Variants in CST2 observed in about 807,000 individuals in gnomAD.
CST2 encodes the protein cystatin SA, also known as cystatin-SA.
A neutral mutation model predicts 13.4 loss-of-function variants in CST2; 26 were observed. The ratio of observed to expected loss-of-function variants is 1.95; its 90% CI spans 1.43 to 2.70. The LOEUF is 2.70. CST2 is among the 30% of genes most tolerant of loss of function. The pLI is 0.00. For synonymous variants in CST2, 105 were observed against 71.1 expected (o/e 1.48, Z -2.40); for missense variants, 243 against 173.4 (o/e 1.40, Z -2.25).
In CST2 at chr20:23,826,661, G is replaced by T. The variant is rs144795946; in HGVS notation, c.-1C>A. The T allele has an allele frequency of 3.6e-5, 57 of 1,595,458 alleles. No homozygotes were observed. The highest frequency in any genetic ancestry group is 4.4e-5 in the Non-Finnish European group (52 of 1,171,608). On this transcript the variant is annotated 5_prime_UTR_variant, in exon 1 of 3. Coordinates refer to ENST00000304725, the MANE Select transcript of CST2 (RefSeq NM_001322.3). ...GCAGGGTGCACAGGGGCCAGGCCAT[G>T]GTCTCCTCGGAGGCAGAGCACAGAG... is the stretch of plus-strand genomic sequence containing the variant.
rs1984743781 is a variant in CST2 at position 23,823,941 on chromosome 20, G to A, written c.*79C>T. 1.7e-5 allele frequency: 25 copies of A among 1,492,050 alleles called. No individual in the cohort carries two copies. Among genetic ancestry groups the A allele is most frequent in the Non-Finnish European group, 2.0e-5 (22 of 1,081,178 alleles). The allele number at this position is 1,492,050 out of a possible 1,614,324, so 92.4% of individuals were successfully genotyped here. On this transcript the variant is annotated 3_prime_UTR_variant, in exon 3 of 3. Transcript: ENST00000304725. ...GCATGGGGAGACCTCCCACAGGGTG[G>A]GGGCCACCAGTCCAGGGGTGGGAGC...
At position 23,826,479 on chromosome 20, in the gene CST2, T is replaced by A; in HGVS notation, c.182A>T (p.Asp61Val). The A allele has an allele frequency of 6.2e-7, 1 of 1,614,168 alleles. No homozygotes were observed. The highest frequency in any genetic ancestry group is 8.5e-7 in the Non-Finnish European group (1 of 1,180,010). The change falls in exon 1 of 3, where the codon GAT becomes GTT. Residue 61 changes from aspartate to valine, a missense_variant. Asp to Val is a radical substitution (Grantham distance 152, BLOSUM62 -3). Coordinates refer to ENST00000304725, the MANE Select transcript of CST2 (RefSeq NM_001322.3). ...VISEYNKATEDEYYRRLLRVL... is the reference protein window; with the variant it reads ...VISEYNKATEVEYYRRLLRVL... ...CCGCAGCAGGCGTCTGTAGTACTCATCTTCAGTGGCCTTGTTATACTCGCT... is the reference window on the plus strand; with the variant it reads ...CCGCAGCAGGCGTCTGTAGTACTCAACTTCAGTGGCCTTGTTATACTCGCT...
chr20:23,824,849 T>TC lies in CST2; in HGVS notation c.342+360dup, dbSNP rs1984776035. On this transcript the variant is annotated intron_variant, in intron 2 of 2. Coordinates refer to ENST00000304725, the MANE Select transcript of CST2 (RefSeq NM_001322.3). Reference sequence around the variant, plus strand: ...AAGGCTTCCTAGCAAATCAAACACATCACCCTCCTCCCTCACCACCCCATC... The same window carrying TC: ...AAGGCTTCCTAGCAAATCAAACACATCCACCCTCCTCCCTCACCACCCCATC... 5.3e-5 allele frequency among the ~76,000 whole-genome samples: 8 copies of TC among 151,768 alleles called. No homozygotes were observed. The South Asian group carries it at 1.7e-3, about 32-fold the overall frequency.
At chr20:23,824,532 T>C (rs1488987464) in intron 2 of CST2, among the ~76,000 whole-genome samples, 2 of 152,012 alleles carry the variant, frequency 1.3e-5, no homozygotes, top group Non-Finnish European at 1.5e-5. Flanking sequence ...GGGGCAATGG[T>C]AACAAGGGGA....
At chr20:23,824,278 C>T (rs1250739913) in intron 2 of CST2, among the ~76,000 whole-genome samples, 175 bp from the exon 3 acceptor site, 1 of 148,618 alleles carries the variant, frequency 6.7e-6, no homozygotes, top group Non-Finnish European at 1.5e-5. Context: ...TGTTCCATTG[C>T]CCCTCCCAAG....
intron 2 of CST2, among the ~76,000 whole-genome samples, chr20:23,824,853 C>T (rs1484675473): frequency 6.6e-6 from 1 of 151,956 alleles, no homozygotes; most frequent in South Asian, 2.1e-4. Flanking sequence ...AACACATCAC[C>T]CTCCTCCCTC....
chr20:23,826,432 C>T lies in CST2; in HGVS notation c.228+1G>A, dbSNP rs1984839918. On this transcript the variant is annotated splice_donor_variant, in intron 1 of 2. Transcript: ENST00000304725. LOFTEE classifies it high-confidence loss of function. ...ACCCCTCAGGTGGAGGCAGCACCCACCTGCTCCCTGGCTCGTAGCACCCGC... is the reference window on the plus strand; with the variant it reads ...ACCCCTCAGGTGGAGGCAGCACCCATCTGCTCCCTGGCTCGTAGCACCCGC... The T allele has an allele frequency of 6.2e-7, 1 of 1,613,750 alleles. No homozygotes were observed. The highest frequency in any genetic ancestry group is 8.5e-7 in the Non-Finnish European group (1 of 1,179,690).
Position 23,824,002 on chromosome 20 carries a change from ACT to A in CST2, c.*16_*17del, listed in dbSNP as rs773374216. 2 of 1,613,192 alleles carry A rather than the reference ACT, an allele frequency of 1.2e-6. No homozygotes were observed. The highest frequency in any genetic ancestry group is 2.7e-5 in the African/African-American group (2 of 74,886). On this transcript the variant is annotated 3_prime_UTR_variant, in exon 3 of 3. Transcript: ENST00000304725. Reference sequence around the variant, plus strand: ...GTGGGAGTAGGAGGTGGTCAGTGTGACTCCCTGGCACAGATCCCTAGGCTTCT... The same window carrying A: ...GTGGGAGTAGGAGGTGGTCAGTGTGACCCTGGCACAGATCCCTAGGCTTCT...
At chr20:23,826,389 A>G in intron 1 of CST2, 44 bp downstream of exon 1, 2 of 1,546,712 alleles carry the variant, frequency 1.3e-6, no homozygotes, top group South Asian at 1.1e-5. Flanking sequence ...CGGGCAACAA[A>G]CAAGGCTGGG....
chr20:23,824,297 T>A (rs1183152163), intron 2 of CST2, among the ~76,000 whole-genome samples, 194 bp from the exon 3 acceptor site: 14 of 152,030 alleles, frequency 9.2e-5, no homozygotes, highest in Non-Finnish European at 1.6e-4. Context: ...AGGCTCCAAG[T>A]CACCAGGTGG....
rs1412686905 is a variant in CST2, at chr20:23,823,840, G to A, written c.*180C>T. 1 of 626,412 alleles carries A rather than the reference G, an allele frequency of 1.6e-6. No homozygotes were observed. The highest frequency in any genetic ancestry group is 1.8e-5 in the African/African-American group (1 of 54,144). The allele number at this position is 626,412 out of a possible 1,614,324, so 38.8% of individuals were successfully genotyped here. On this transcript the variant is annotated 3_prime_UTR_variant, in exon 3 of 3. Transcript: ENST00000304725. ...GTACCAGGGCTATGAGAAGCAAAAG[G>A]AAGGAGGGAGGGCAGAGTCCCCTGC...
chr20:23,826,108 G>A (rs1171240660), intron 1 of CST2, among the ~76,000 whole-genome samples: 3 of 152,188 alleles, frequency 2.0e-5, no homozygotes, highest in African/African-American at 4.8e-5. Flanking sequence ...ACCCACGGGT[G>A]TGACTTGGGG....
At chr20:23,824,180 A>T in intron 2 of CST2, 77 bp from the exon 3 acceptor site, 1 of 1,449,958 alleles carries the variant, frequency 6.9e-7, no homozygotes. Context: ...GAGATGTCAC[A>T]GCCTGAGTGA....
intron 2 of CST2, among the ~76,000 whole-genome samples, chr20:23,824,821 C>T (rs1984775146): frequency 6.6e-6 from 1 of 152,078 alleles, no homozygotes; most frequent in Admixed American, 6.5e-5. Context: ...CATTCCCAAG[C>T]TGAAGGCTTC....
chr20:23,824,845 C>A (rs1262162853), intron 2 of CST2, among the ~76,000 whole-genome samples: 2 of 152,002 alleles, frequency 1.3e-5, no homozygotes, highest in African/African-American at 4.8e-5. Context: ...GCAAATCAAA[C>A]ACATCACCCT....
In CST2 at chr20:23,823,915, T is replaced by C. The variant is rs962367635; in HGVS notation, c.*105A>G. 1.4e-5 allele frequency: 17 copies of C among 1,195,600 alleles called. No homozygotes were observed. Among genetic ancestry groups the C allele is most frequent in the Admixed American group, 1.9e-5 (1 of 53,070 alleles). The allele number at this position is 1,195,600 out of a possible 1,614,324, so 74.1% of individuals were successfully genotyped here. A position where few individuals can be genotyped will look rare whatever the true frequency, so the allele number is the denominator to read the frequency against. On this transcript the variant is annotated 3_prime_UTR_variant, in exon 3 of 3. Transcript: ENST00000304725. The stretch of plus-strand genomic sequence containing the variant: ...CTTCTCTGTCTTCTCCTGCTGCAGG[T>C]GCATGGGGAGACCTCCCACAGGGTG...
At chr20:23,824,322 C>A (rs139957804) in intron 2 of CST2, among the ~76,000 whole-genome samples, 3 of 152,124 alleles carry the variant, frequency 2.0e-5, no homozygotes, top group African/African-American at 7.2e-5. Flanking sequence ...GGGCCCCCAC[C>A]GCAGCCTGCA....
At position 23,825,301 on chromosome 20, in the gene CST2, A is replaced by C; in HGVS notation, c.251T>G (p.Phe84Cys). 2.6e-6 allele frequency: 4 copies of C among 1,539,034 alleles called. No homozygotes were observed. Among genetic ancestry groups the C allele is most frequent in the Middle Eastern group, 1.7e-4 (1 of 5,792 alleles). Residue 84 changes from phenylalanine to cysteine, a missense_variant, in exon 2 of 3, where the codon TTC becomes TGC. By Grantham distance (205) the Phe-to-Cys change is radical. Coordinates refer to ENST00000304725, the MANE Select transcript of CST2 (RefSeq NM_001322.3). Reference sequence around the variant, plus strand: ...GGTTCGGCCCACCTCTATGTCGAAGAAGTAATTCACCCCGCCCACGATCTA... The same window carrying C: ...GGTTCGGCCCACCTCTATGTCGAAGCAGTAATTCACCCCGCCCACGATCTA... ...REQIVGGVNY[F>C]FDIEVGRTIC...
chr20:23,824,929 C>T (rs1984779460), intron 2 of CST2, among the ~76,000 whole-genome samples: 1 of 152,076 alleles, frequency 6.6e-6, no homozygotes. Flanking sequence ...CCCCATGGAT[C>T]TATGTACAAA....
Sources: gnomAD v4.1 joint callset for allele counts (sites outside exome capture counted in the v4.1 genomes callset) on GRCh38, gnomAD v4.1.1 for gene constraint, MANE v1.5 for transcripts, NCBI Gene and HGNC (gene_info 2026-07-23, HGNC 2026-07-21) for gene names.